Variants in RLN2 observed in about 807,000 individuals in gnomAD.
The protein encoded by RLN2 is prorelaxin H2.
In RLN2, 10 loss-of-function variants were observed where a neutral mutation model predicts 7.3. The ratio of observed to expected loss-of-function variants is 1.36; its 90% CI spans 0.84 to 2.31. The LOEUF is 2.31. Among genes scored for constraint, RLN2 ranks in the 30% most tolerant of loss-of-function variants. The pLI is 0.00. For synonymous variants in RLN2, 103 were observed against 82.3 expected (o/e 1.25, Z -1.36); for missense variants, 298 against 217.6 (o/e 1.37, Z -2.32).
the RLN2 span, among the ~76,000 whole-genome samples, chr9:5,330,249 A>G: frequency 6.6e-6 from 1 of 152,098 alleles, no homozygotes; most frequent in Admixed American, 6.5e-5. Context: ...TCTCTGGGAC[A>G]TTTTAAAGCA....
Position 5,300,031 on chromosome 9 carries a change from A to G in RLN2, c.*67T>C. Reference sequence around the variant, plus strand: ...CTAAGAATTGATGGGACCTGATAGAAGCATCAGTGAAATGTCATTAAGAAT... The same window carrying G: ...CTAAGAATTGATGGGACCTGATAGAGGCATCAGTGAAATGTCATTAAGAAT... On this transcript the variant is annotated 3_prime_UTR_variant, in exon 2 of 2. Transcript: ENST00000381627. 1.0e-6 allele frequency: 1 copy of G among 962,406 alleles called. No homozygotes were observed. Among genetic ancestry groups the G allele is most frequent in the Non-Finnish European group, 1.6e-6 (1 of 637,012 alleles). The allele number at this position is 962,406 out of a possible 1,614,324, so 59.6% of individuals were successfully genotyped here. A position where few individuals can be genotyped will look rare whatever the true frequency, so the allele number is the denominator to read the frequency against.
At chr9:5,330,125 T>C in the RLN2 span, among the ~76,000 whole-genome samples, 1 of 151,998 alleles carries the variant, frequency 6.6e-6, no homozygotes, top group Non-Finnish European at 1.5e-5. Context: ...ACTGCACAAC[T>C]ACATGGAAAC....
the RLN2 span, among the ~76,000 whole-genome samples, chr9:5,311,238 G>C: frequency 6.6e-6 from 1 of 151,930 alleles, no homozygotes; most frequent in Non-Finnish European, 1.5e-5. Flanking sequence ...ATATTTTGAA[G>C]AATTTATTTC....
chr9:5,317,217 A>G, the RLN2 span, among the ~76,000 whole-genome samples: 39 of 152,186 alleles, frequency 2.6e-4, 1 homozygote, highest in East Asian at 4.1e-3. Context: ...TTACCTATCA[A>G]TAATTACTTT....
At chr9:5,302,011 T>G (rs1014312881) in intron 1 of RLN2, among the ~76,000 whole-genome samples, 6 of 152,298 alleles carry the variant, frequency 3.9e-5, no homozygotes, top group Middle Eastern at 3.4e-3. Context: ...AAACCTCTCT[T>G]TGATCCAACC....
upstream of RLN2, among the ~76,000 whole-genome samples, chr9:5,306,824 A>G (rs3758239): frequency 0.21 from 32,422 of 151,900 alleles, 3,687 homozygotes; most frequent in African/African-American, 0.28. Flanking sequence ...CTTTGAATGT[A>G]GGACAGCAGG....
chr9:5,332,732 C>G, the RLN2 span, among the ~76,000 whole-genome samples: 1 of 151,720 alleles, frequency 6.6e-6, no homozygotes, highest in Non-Finnish European at 1.5e-5. Flanking sequence ...TCTCCTGCCT[C>G]AGCCTCCCGA....
At chr9:5,301,376 A>C (rs1173444797) in intron 1 of RLN2, among the ~76,000 whole-genome samples, 1 of 152,182 alleles carries the variant, frequency 6.6e-6, no homozygotes, top group Non-Finnish European at 1.5e-5. Flanking sequence ...ACCTGTTTCC[A>C]TGTCTCTGGC....
At chr9:5,314,279 C>T in the RLN2 span, among the ~76,000 whole-genome samples, 2 of 152,034 alleles carry the variant, frequency 1.3e-5, no homozygotes, top group African/African-American at 4.8e-5. Flanking sequence ...AATTGTTGCG[C>T]ACCATCCACA....
the RLN2 span, chr9:5,311,746 T>G: frequency 1.0e-6 from 1 of 976,326 alleles, no homozygotes; most frequent in Non-Finnish European, 1.6e-6. Flanking sequence ...ACTGTATACT[T>G]CTGGTGACTG....
chr9:5,331,134 A>C, the RLN2 span, among the ~76,000 whole-genome samples: 1 of 152,154 alleles, frequency 6.6e-6, no homozygotes, highest in Non-Finnish European at 1.5e-5. Context: ...AATGTCCAGG[A>C]CCAGATGGAT....
upstream of RLN2, among the ~76,000 whole-genome samples, chr9:5,306,526 T>C (rs796091287): frequency 7.9e-5 from 12 of 152,216 alleles, no homozygotes; most frequent in African/African-American, 2.6e-4. Flanking sequence ...CCAGCACATA[T>C]GCCAGATGTG....
the RLN2 span, among the ~76,000 whole-genome samples, chr9:5,324,362 A>C: frequency 2.0e-5 from 3 of 152,068 alleles, no homozygotes; most frequent in Non-Finnish European, 4.4e-5. Context: ...ATGTGGCTTC[A>C]AATTGTGGGG....
chr9:5,328,063 G>A, the RLN2 span, among the ~76,000 whole-genome samples: 1,190 of 152,054 alleles, frequency 7.8e-3, 31 homozygotes, highest in African/African-American at 0.027. Flanking sequence ...GAATGAGTTC[G>A]ACAAGTTGAC....
the RLN2 span, among the ~76,000 whole-genome samples, chr9:5,320,880 C>A: frequency 2.0e-5 from 3 of 152,014 alleles, no homozygotes; most frequent in Non-Finnish European, 2.9e-5. Flanking sequence ...TCATTATCAT[C>A]TGAATGTAAC....
chr9:5,331,811 T>C, the RLN2 span, among the ~76,000 whole-genome samples: 1 of 152,014 alleles, frequency 6.6e-6, no homozygotes, highest in East Asian at 1.9e-4. Context: ...GAACTTAAAG[T>C]ATAATAAACA....
the RLN2 span, among the ~76,000 whole-genome samples, chr9:5,309,868 G>T: frequency 6.6e-6 from 1 of 151,980 alleles, no homozygotes; most frequent in Non-Finnish European, 1.5e-5. Context: ...AAGCATGGGA[G>T]CACCTAGAAG....
upstream of RLN2, among the ~76,000 whole-genome samples, chr9:5,309,641 TCTCTTA>T (rs1237169760): frequency 6.6e-6 from 1 of 152,064 alleles, no homozygotes; most frequent in African/African-American, 2.4e-5. Context: ...TTGCTAACCA[TCTCTTA>T]CACACTCAGC....
intron 1 of RLN2, chr9:5,304,162 T>C: frequency 2.2e-6 from 1 of 457,564 alleles, no homozygotes; most frequent in Non-Finnish European, 3.7e-6. Flanking sequence ...CTCCGTCCGG[T>C]GAGATTCCCA....
Sources: allele counts gnomAD v4.1 joint callset (sites outside exome capture counted in the v4.1 genomes callset), GRCh38; gene constraint gnomAD v4.1.1; transcripts MANE v1.5; gene names NCBI Gene and HGNC (gene_info 2026-07-23, HGNC 2026-07-21).